Variants in PRDM1 observed in about 807,000 individuals in gnomAD.
PRDM1 encodes the protein PR/SET domain 1.
A neutral mutation model predicts 62.8 loss-of-function variants in PRDM1; 13 were observed. That is an observed-to-expected ratio of 0.21 (90% CI 0.13 to 0.33). The LOEUF is 0.33. PRDM1 is among the 10% of genes least tolerant of loss of function. The pLI is 1.00. For missense variants in PRDM1, 895 were observed against 1,058.8 expected (o/e 0.85, Z 2.15); for synonymous variants, 396 against 417.6 (o/e 0.95, Z 0.63).
At chr6:106,040,006 C>A (rs1772970810) in intron 1 of PRDM1, among the ~76,000 whole-genome samples, 1 of 152,236 alleles carries the variant, frequency 6.6e-6, no homozygotes, top group Non-Finnish European at 1.5e-5. Context: ...ATACCCACAC[C>A]TCTCTTGAAA....
At chr6:106,096,154 GTT>G (rs113757559) in intron 3 of PRDM1, 20 of 150,510 alleles carry the variant, frequency 1.3e-4, no homozygotes, top group South Asian at 7.2e-4. Context: ...TATCTTTTTG[GTT>G]TTTTTTTTTT....
chr6:106,009,181 A>G (rs1234728539), intron 1 of PRDM1, among the ~76,000 whole-genome samples: 1 of 152,248 alleles, frequency 6.6e-6, no homozygotes, highest in African/African-American at 2.4e-5. Context: ...TTGACAAAAG[A>G]TGTTTGAAGC....
chr6:106,017,764 C>G (rs891919492), intron 1 of PRDM1, among the ~76,000 whole-genome samples: 1 of 152,162 alleles, frequency 6.6e-6, no homozygotes, highest in Non-Finnish European at 1.5e-5. Flanking sequence ...AGTGGCATCT[C>G]CTCACGGTTG....
intron 1 of PRDM1, among the ~76,000 whole-genome samples, chr6:106,070,322 T>C (rs529177653): frequency 1.8e-4 from 28 of 152,226 alleles, no homozygotes; most frequent in Non-Finnish European, 2.9e-4. Flanking sequence ...AATGAAATTA[T>C]GGTACACTTT....
At chr6:106,052,112 A>G (rs1315745141) in intron 1 of PRDM1, among the ~76,000 whole-genome samples, 2 of 152,220 alleles carry the variant, frequency 1.3e-5, no homozygotes, top group Admixed American at 6.5e-5. Flanking sequence ...TGGTTGCCCC[A>G]CAGTGTGAAT....
At chr6:106,103,458 G>C (rs148496831) in intron 4 of PRDM1, among the ~76,000 whole-genome samples, 1 of 152,266 alleles carries the variant, frequency 6.6e-6, no homozygotes, top group East Asian at 1.9e-4. Flanking sequence ...GCCTCTGAAG[G>C]CATCTCCACA....
Position 106,099,335 on chromosome 6 carries a change from C to T in PRDM1, c.447C>T (p.Asp149=), listed in dbSNP as rs758907184. The change falls in exon 4 of 7, where the codon GAC becomes GAT. Residue 149 remains aspartate (D), a synonymous_variant. Transcript: ENST00000369096. The part of the protein sequence containing the change: ...YSRGELHHFI[D]GFNEEKSNWM... ...GAGGGGAGCTTCACCACTTCATTGA[C>T]GGCTTTAATGAAGAGAAAAGCAACT... 8.7e-6 allele frequency: 14 copies of T among 1,613,934 alleles called. No individual in the cohort carries two copies. In the Admixed American group the frequency reaches 1.5e-4, roughly 17 times the overall value.
chr6:106,052,545 C>A lies in PRDM1; in HGVS notation c.-67+3831C>A, dbSNP rs572915869. Among the ~76,000 whole-genome samples the A allele has an allele frequency of 1.3e-4, 20 of 152,096 alleles. 1 individual carries two copies. The highest frequency in any genetic ancestry group is 4.8e-4 in the African/African-American group (20 of 41,474). On this transcript the variant is annotated intron_variant, in intron 1 of 6. Transcript: ENST00000651185. The stretch of plus-strand genomic sequence containing the variant: ...GATTGTGGCATAGGAAAATATCTAG[C>A]GTATTAAATTAACAATTGTTTTGGA...
intron 3 of PRDM1, chr6:106,098,387 G>GA (rs1440872115): frequency 3.0e-6 from 3 of 985,264 alleles, no homozygotes; most frequent in Non-Finnish European, 3.6e-6. Context: ...CAAGTAGCCT[G>GA]AGTGCATCTG....
chr6:106,097,754 A>G (rs778733905), intron 3 of PRDM1, among the ~76,000 whole-genome samples: 10 of 152,236 alleles, frequency 6.6e-5, no homozygotes, highest in Non-Finnish European at 1.0e-4. Flanking sequence ...AACTGGAATC[A>G]ACATACCCGT....
Position 106,109,091 on chromosome 6 carries a change from C to CAAAAAAAAAA in PRDM1, c.*1618_*1627dup, listed in dbSNP as rs36077280. The CAAAAAAAAAA allele has an allele frequency of 8.5e-6, 1 of 117,362 alleles. No individual in the cohort carries two copies. Among genetic ancestry groups the CAAAAAAAAAA allele is most frequent in the Non-Finnish European group, 1.6e-5 (1 of 62,462 alleles). 7.3% of individuals were successfully genotyped at this position (117,362 alleles called of 1,614,324 possible). A position where few individuals can be genotyped will look rare whatever the true frequency, so the allele number is the denominator to read the frequency against. On this transcript the variant is annotated 3_prime_UTR_variant, in exon 7 of 7. Coordinates refer to ENST00000369096, the MANE Select transcript of PRDM1 (RefSeq NM_001198.4). Reference sequence around the variant, plus strand: ...GTAAAAGATCTACTTTTTCTAAGGGCAAAAAAAAAAAAAAAAAAAAAAGAA... The same window carrying CAAAAAAAAAA: ...GTAAAAGATCTACTTTTTCTAAGGGCAAAAAAAAAAAAAAAAAAAAAAAAAAAAAAAAGAA...
rs546396484 is a variant in PRDM1, at chr6:106,040,800, G to C, written c.-67+47161G>C. On this transcript the variant is annotated intron_variant, in intron 1 of 6. Coordinates refer to the PRDM1 transcript ENST00000652320. Reference sequence around the variant, plus strand: ...CATATAATTATAGAGGAACAATTAAGATAGAAATATATAGTGTTTTCTGTC... The same window carrying C: ...CATATAATTATAGAGGAACAATTAACATAGAAATATATAGTGTTTTCTGTC... Among the ~76,000 whole-genome samples, 17 of 152,264 alleles carry C rather than the reference G, an allele frequency of 1.1e-4. 1 individual carries two copies. In the South Asian group the frequency reaches 3.5e-3, roughly 32 times the overall value.
chr6:106,036,640 T>C (rs78575930), intron 1 of PRDM1, among the ~76,000 whole-genome samples: 1,826 of 152,112 alleles, frequency 0.012, 15 homozygotes, highest in Non-Finnish European at 0.02. Flanking sequence ...TCTTAAATCA[T>C]GTAGAAAACA....
chr6:106,059,308 C>G (rs1237627646), intron 1 of PRDM1, among the ~76,000 whole-genome samples: 1 of 152,156 alleles, frequency 6.6e-6, no homozygotes, highest in Non-Finnish European at 1.5e-5. Context: ...AAAAGACTCT[C>G]TGAGGAGGTG....
rs137986846 is a variant in PRDM1, at chr6:106,008,350, C to A, written c.-67+14711C>A. On this transcript the variant is annotated intron_variant, in intron 1 of 6. Transcript: ENST00000652320. ...ATCGTGCCACTGTACTCCAGCCTGGCGACAGAGTGAGGCTCCGTCTCAAAA... is the reference window on the plus strand; with the variant it reads ...ATCGTGCCACTGTACTCCAGCCTGGAGACAGAGTGAGGCTCCGTCTCAAAA... 4.9e-3 allele frequency among the ~76,000 whole-genome samples: 749 copies of A among 152,174 alleles called. 10 individuals carry two copies. The highest frequency in any genetic ancestry group is 0.017 in the African/African-American group (707 of 41,508).
upstream of PRDM1, among the ~76,000 whole-genome samples, chr6:105,993,053 C>T (rs1164166987): frequency 3.3e-5 from 5 of 152,312 alleles, no homozygotes; most frequent in African/African-American, 9.6e-5. Context: ...CCACTCTTCC[C>T]GGTTTGGTAG....
At chr6:106,015,383 A>G (rs894108809) in intron 1 of PRDM1, among the ~76,000 whole-genome samples, 7 of 152,308 alleles carry the variant, frequency 4.6e-5, no homozygotes, top group South Asian at 2.1e-4. Flanking sequence ...TGTCCCTTCT[A>G]CAAATGTGTA....
At chr6:106,030,768 C>T (rs1444190908) in intron 1 of PRDM1, among the ~76,000 whole-genome samples, 1 of 152,096 alleles carries the variant, frequency 6.6e-6, no homozygotes, top group Non-Finnish European at 1.5e-5. Context: ...TGGTCCAGCA[C>T]CGTATGCTAA....
intron 1 of PRDM1, among the ~76,000 whole-genome samples, chr6:106,037,374 A>G (rs1292912896): frequency 6.6e-6 from 1 of 152,052 alleles, no homozygotes; most frequent in East Asian, 1.9e-4. Flanking sequence ...AATTTCTTAG[A>G]TGTTTATATT....
Sources: gnomAD v4.1 joint callset for allele counts (sites outside exome capture counted in the v4.1 genomes callset) on GRCh38, gnomAD v4.1.1 for gene constraint, MANE v1.5 for transcripts, NCBI Gene and HGNC (gene_info 2026-07-23, HGNC 2026-07-21) for gene names.